Variants in BLTP3B observed in about 807,000 individuals in gnomAD.
BLTP3B encodes the protein UHRF1 (ICBP90) binding protein 1-like.
chr12:100,104,110 T>C, the BLTP3B span, among the ~76,000 whole-genome samples: 1 of 152,120 alleles, frequency 6.6e-6, no homozygotes. Flanking sequence ...TCACTCATAC[T>C]TTTGAAACCA....
At chr12:100,063,764 C>T in the BLTP3B span, among the ~76,000 whole-genome samples, 1 of 151,438 alleles carries the variant, frequency 6.6e-6, no homozygotes, top group Admixed American at 6.6e-5. Flanking sequence ...GGGAACATGC[C>T]ATGGGACAAA....
the BLTP3B span, among the ~76,000 whole-genome samples, chr12:100,123,642 C>T: frequency 1.3e-5 from 2 of 152,134 alleles, no homozygotes; most frequent in East Asian, 1.9e-4. Flanking sequence ...GAACTTCTGA[C>T]GGACAGGCTC....
the BLTP3B span, among the ~76,000 whole-genome samples, chr12:100,081,393 G>A: frequency 1.3e-5 from 2 of 152,176 alleles, no homozygotes; most frequent in Admixed American, 6.6e-5. Context: ...TGTAGTTGGT[G>A]TCTGAAGTCT....
the BLTP3B span, among the ~76,000 whole-genome samples, chr12:100,089,313 C>G: frequency 6.6e-6 from 1 of 152,154 alleles, no homozygotes; most frequent in African/African-American, 2.4e-5. Flanking sequence ...AATCACAACA[C>G]TTTGGGAGGC....
chr12:100,062,250 G>A, the BLTP3B span, among the ~76,000 whole-genome samples: 10 of 152,174 alleles, frequency 6.6e-5, no homozygotes, highest in Non-Finnish European at 4.4e-5. Flanking sequence ...ATATACTTAC[G>A]TTTGAGCAGA....
At chr12:100,047,860 T>C in the BLTP3B span, 56 of 1,251,272 alleles carry the variant, frequency 4.5e-5, no homozygotes, top group Non-Finnish European at 5.9e-5. Context: ...ATATATTTTA[T>C]AGAGAAGGCA....
chr12:100,117,920 T>C, the BLTP3B span, among the ~76,000 whole-genome samples: 6 of 152,304 alleles, frequency 3.9e-5, no homozygotes, highest in East Asian at 7.7e-4. Context: ...GACTCATTTA[T>C]ATGCATCAGA....
chr12:100,044,630 G>A, the BLTP3B span, among the ~76,000 whole-genome samples: 4 of 152,068 alleles, frequency 2.6e-5, no homozygotes, highest in African/African-American at 7.2e-5. Flanking sequence ...AGTAACTAAC[G>A]TACAGAAAAG....
At chr12:100,065,706 C>G in the BLTP3B span, among the ~76,000 whole-genome samples, 16 of 152,256 alleles carry the variant, frequency 1.1e-4, no homozygotes, top group Non-Finnish European at 1.5e-4. Flanking sequence ...AGATGTTTAT[C>G]AAGACAATAC....
At chr12:100,057,922 G>A in the BLTP3B span, 32 of 1,343,252 alleles carry the variant, frequency 2.4e-5, no homozygotes, top group Non-Finnish European at 3.2e-5. Flanking sequence ...TGTTAACAAT[G>A]CCATATTTTG....
chr12:100,047,866 A>C, the BLTP3B span: 1 of 1,257,140 alleles, frequency 8.0e-7, no homozygotes, highest in Non-Finnish European at 1.1e-6. Context: ...TTTATAGAGA[A>C]GGCACATTCT....
chr12:100,121,657 C>G, the BLTP3B span, among the ~76,000 whole-genome samples: 5 of 151,762 alleles, frequency 3.3e-5, no homozygotes, highest in Non-Finnish European at 5.9e-5. Context: ...ATGGTGAAAC[C>G]CTGTCTCTAC....
At chr12:100,040,941 G>A in the BLTP3B span, among the ~76,000 whole-genome samples, 1 of 151,978 alleles carries the variant, frequency 6.6e-6, no homozygotes, top group Non-Finnish European at 1.5e-5. Context: ...AACAAAAGGA[G>A]CATTCCCAAA....
chr12:100,086,143 C>T, the BLTP3B span: 1 of 496,230 alleles, frequency 2.0e-6, no homozygotes, highest in Non-Finnish European at 3.3e-6. Context: ...GAAATACTGC[C>T]AGGAGAAAAA....
At chr12:100,125,360 G>A in the BLTP3B span, among the ~76,000 whole-genome samples, 7 of 146,946 alleles carry the variant, frequency 4.8e-5, no homozygotes, top group African/African-American at 1.8e-4. Context: ...AAAAAAATCT[G>A]GGCATCAGGC....
the BLTP3B span, chr12:100,102,695 T>G: frequency 8.9e-7 from 1 of 1,119,670 alleles, no homozygotes; most frequent in East Asian, 2.7e-5. Flanking sequence ...CATTTGAGGT[T>G]AAGGCTTTTT....
At chr12:100,069,391 A>G in the BLTP3B span, among the ~76,000 whole-genome samples, 1 of 151,900 alleles carries the variant, frequency 6.6e-6, no homozygotes, top group Admixed American at 6.6e-5. Context: ...AATCAATGAA[A>G]GGATAAAGAA....
chr12:100,127,542 A>G, the BLTP3B span, among the ~76,000 whole-genome samples: 1 of 152,226 alleles, frequency 6.6e-6, no homozygotes, highest in African/African-American at 2.4e-5. Context: ...TTTCCCAAGA[A>G]TTAGAAGTAT....
At chr12:100,058,657 G>A in the BLTP3B span, 4 of 1,614,076 alleles carry the variant, frequency 2.5e-6, no homozygotes, top group Non-Finnish European at 3.4e-6. Context: ...TCCACTGGAT[G>A]GAGCAAAAGA....
Sources: gnomAD v4.1 joint callset for allele counts (sites outside exome capture counted in the v4.1 genomes callset) on GRCh38, gnomAD v4.1.1 for gene constraint, MANE v1.5 for transcripts, NCBI Gene and HGNC (gene_info 2026-07-23, HGNC 2026-07-21) for gene names.